The following ADK variants were observed in gnomAD, a reference collection of about 807,000 sequenced individuals.
ADK encodes the protein adenosine kinase, also known as N6,N6-dimethyladenosine kinase.
A neutral mutation model predicts 44.7 loss-of-function variants in ADK; 24 were observed. That is an observed-to-expected ratio of 0.54 (90% CI 0.39 to 0.76). The LOEUF is 0.76. ADK is among the 30% of genes least tolerant of loss of function. The pLI is 0.00. For missense variants in ADK, 321 were observed against 425.1 expected, an observed-to-expected ratio of 0.76 and a Z score of 2.15; for synonymous variants, 128 against 142.6, an observed-to-expected ratio of 0.90 and a Z score of 0.73.
intron 7 of ADK, among the ~76,000 whole-genome samples, chr10:74,548,758 G>A (rs1421332290): frequency 1.3e-5 from 2 of 152,138 alleles, no homozygotes; most frequent in East Asian, 1.9e-4. Flanking sequence ...CTGTATCCCC[G>A]ATCCCTTAAA....
chr10:74,195,707 C>CTTTTTTTTTTTTTTTTTTTTTTTTTT (rs71475265), intron 1 of ADK, among the ~76,000 whole-genome samples: 5 of 97,520 alleles, frequency 5.1e-5, no homozygotes, highest in Non-Finnish European at 7.8e-5. Flanking sequence ...TCTTTTCTTT[C>CTTTTTTTTTTTTTTTTTTTTTTTTTT]TTTTTTTTTT....
intron 1 of ADK, chr10:74,176,717 C>G: frequency 6.8e-7 from 1 of 1,478,730 alleles, no homozygotes; most frequent in Non-Finnish European, 9.0e-7. Flanking sequence ...GCCGGGCCGG[C>G]TAGCCAGGGG....
intron 3 of ADK, among the ~76,000 whole-genome samples, chr10:74,265,405 G>C (rs1318704273): frequency 6.6e-6 from 1 of 151,912 alleles, no homozygotes; most frequent in Non-Finnish European, 1.5e-5. Context: ...TAGTAGAGAC[G>C]GGGTTTCACC....
At chr10:74,633,897 G>A (rs952987321) in intron 9 of ADK, among the ~76,000 whole-genome samples, 6 of 152,176 alleles carry the variant, frequency 3.9e-5, no homozygotes, top group Non-Finnish European at 7.4e-5. Flanking sequence ...AGATCCAGAG[G>A]AAGAGTTTAG....
chr10:74,207,975 T>G (rs1351856415), intron 2 of ADK, among the ~76,000 whole-genome samples: 1 of 152,210 alleles, frequency 6.6e-6, no homozygotes. Flanking sequence ...CTTCCCATGC[T>G]TCTCTGCACC....
intron 10 of ADK, among the ~76,000 whole-genome samples, chr10:74,681,609 G>GC (rs920595999): frequency 1.3e-5 from 2 of 151,864 alleles, no homozygotes; most frequent in African/African-American, 4.8e-5. Context: ...ACTTTAAGAG[G>GC]CCGAGGTGGA....
chr10:74,450,652 AGTTAAT>A lies in ADK; in HGVS notation c.555+52077_555+52082del, dbSNP rs551928086. Among the ~76,000 whole-genome samples the A allele has an allele frequency of 2.9e-3, 448 of 152,280 alleles. 1 individual carries two copies. The highest frequency in any genetic ancestry group is 0.01 in the African/African-American group (430 of 41,576). The stretch of plus-strand genomic sequence containing the variant: ...AATGTTCCTGTTTTTATGTATTTGA[AGTTAAT>A]GTTTAGTTATTTTGTTTTAAAATCT... On this transcript the variant is annotated intron_variant, in intron 6 of 10. Coordinates refer to ENST00000539909, the MANE Select transcript of ADK (RefSeq NM_006721.4).
At chr10:74,204,993 T>A in intron 2 of ADK, among the ~76,000 whole-genome samples, 1 of 118,150 alleles carries the variant, frequency 8.5e-6, no homozygotes. Flanking sequence ...TGAGCTGAAA[T>A]TGCACCATTG....
chr10:74,165,007 C>T (rs1434272227), intron 1 of ADK, among the ~76,000 whole-genome samples: 1 of 152,154 alleles, frequency 6.6e-6, no homozygotes, highest in Admixed American at 6.5e-5. Flanking sequence ...TTTCATATTT[C>T]CGAAGACTGC....
chr10:74,677,298 T>A (rs1855427012), intron 10 of ADK, among the ~76,000 whole-genome samples: 1 of 152,170 alleles, frequency 6.6e-6, no homozygotes, highest in African/African-American at 2.4e-5. Flanking sequence ...AAAAGAACAT[T>A]GGTTTACAAA....
intron 6 of ADK, among the ~76,000 whole-genome samples, chr10:74,411,217 T>G (rs1043410434): frequency 3.3e-5 from 5 of 151,726 alleles, no homozygotes; most frequent in African/African-American, 4.9e-5. Flanking sequence ...ACACAGAGAA[T>G]AAAATGAAAA....
chr10:74,507,068 T>C (rs545910745), intron 6 of ADK, among the ~76,000 whole-genome samples: 1 of 152,336 alleles, frequency 6.6e-6, no homozygotes, highest in East Asian at 1.9e-4. Context: ...ATATGTATTT[T>C]TCTTAACTGA....
intron 9 of ADK, among the ~76,000 whole-genome samples, chr10:74,634,207 A>G (rs1853539499): frequency 6.6e-6 from 1 of 151,560 alleles, no homozygotes; most frequent in South Asian, 2.1e-4. Context: ...CAGCATTTTT[A>G]TTTATTTTTT....
In ADK at chr10:74,589,272, T is replaced by TTTA. The variant is rs1851636481; in HGVS notation, c.727-7_727-5dup. On this transcript the variant is annotated splice_polypyrimidine_tract_variant and intron_variant, in intron 7 of 10. Transcript: ENST00000539909. ...TTATAATTAACTGTTCTTTTTTTTT[T>TTTA]TTATTTCAGGAAGCTGCCACTTTTG... The TTTA allele has an allele frequency of 6.2e-7, 1 of 1,613,394 alleles. No homozygotes were observed. The highest frequency in any genetic ancestry group is 8.5e-7 in the Non-Finnish European group (1 of 1,179,574).
At chr10:74,179,728 G>T (rs1047337444) in intron 1 of ADK, among the ~76,000 whole-genome samples, 1 of 152,084 alleles carries the variant, frequency 6.6e-6, no homozygotes, top group Non-Finnish European at 1.5e-5. Flanking sequence ...CCCTTGTTTA[G>T]CATACAATCA....
intron 2 of ADK, among the ~76,000 whole-genome samples, chr10:74,209,232 T>C (rs1843716586): frequency 6.6e-6 from 1 of 152,210 alleles, no homozygotes. Context: ...CTCCTGCCTT[T>C]ACATTCCTTC....
intron 9 of ADK, among the ~76,000 whole-genome samples, chr10:74,651,568 C>CT (rs959261862): frequency 2.7e-4 from 41 of 151,648 alleles, no homozygotes; most frequent in East Asian, 9.7e-4. Context: ...ACATTTCTTT[C>CT]TTTTTTTTTA....
chr10:74,670,959 G>A (rs903763581), intron 10 of ADK, among the ~76,000 whole-genome samples: 15 of 145,024 alleles, frequency 1.0e-4, no homozygotes, highest in African/African-American at 3.6e-4. Context: ...GAAAGCTTTC[G>A]CTTCCTCACA....
At chr10:74,696,434 C>T (rs537871447) in intron 10 of ADK, among the ~76,000 whole-genome samples, 10 of 151,638 alleles carry the variant, frequency 6.6e-5, no homozygotes, top group Non-Finnish European at 1.3e-4. Flanking sequence ...GGCCCGATCT[C>T]GGCTCACTGC....
Sources: allele counts gnomAD v4.1 joint callset (sites outside exome capture counted in the v4.1 genomes callset), GRCh38; gene constraint gnomAD v4.1.1; transcripts MANE v1.5; gene names NCBI Gene and HGNC (gene_info 2026-07-23, HGNC 2026-07-21).